DNAH6: variants seen among roughly 807,000 people sequenced by gnomAD.
DNAH6 encodes the protein dynein axonemal heavy chain 6, also known as axonemal beta dynein heavy chain 6.
In DNAH6, 340 loss-of-function variants were observed where a neutral mutation model predicts 491.4. The ratio of observed to expected loss-of-function variants is 0.69; its 90% CI spans 0.63 to 0.76. The LOEUF (loss-of-function observed/expected upper bound fraction) is 0.76, where lower values mean the gene tolerates loss of function less well. DNAH6 is among the 30% of genes least tolerant of loss of function. The probability of loss-of-function intolerance (pLI) is 0.00; values close to 1 mark genes in which losing one functional copy is unlikely to be tolerated. For missense variants in DNAH6, 4,443 were observed against 4,972.2 expected, an observed-to-expected ratio of 0.89 and a Z score of 3.20; for synonymous variants, 1,603 against 1,686.1, an observed-to-expected ratio of 0.95 and a Z score of 1.21.
intron 62 of DNAH6, among the ~76,000 whole-genome samples, chr2:84,736,030 A>T (rs528377979): frequency 1.3e-5 from 2 of 152,150 alleles, no homozygotes; most frequent in East Asian, 3.9e-4. Flanking sequence ...GTTAATTTTT[A>T]TATATGGTAA....
intron 2 of DNAH6, among the ~76,000 whole-genome samples, chr2:84,522,690 A>G (rs1676263934): frequency 6.6e-6 from 1 of 152,056 alleles, no homozygotes; most frequent in South Asian, 2.1e-4. Context: ...ATTGTATTCT[A>G]TCAAAAGCTT....
intron 70 of DNAH6, among the ~76,000 whole-genome samples, chr2:84,804,802 T>A (rs1237319107): frequency 6.6e-6 from 1 of 152,108 alleles, no homozygotes; most frequent in Non-Finnish European, 1.5e-5. Context: ...ATTAAGTACA[T>A]TTATTTATTT....
In DNAH6 at chr2:84,591,787, A is replaced by G. The variant is rs147213038; in HGVS notation, c.2611-2185A>G. On this transcript the variant is annotated intron_variant, in intron 16 of 76. Coordinates refer to ENST00000389394, the MANE Select transcript of DNAH6 (RefSeq NM_001370.2). ...ATATAGACCAATGAAACAGAATGGA[A>G]AACCGCAAAACAACAAATATGGTCA... is the stretch of plus-strand genomic sequence containing the variant. Among the ~76,000 whole-genome samples, 1,518 of 152,320 alleles carry G rather than the reference A, an allele frequency of 1.0e-2. 9 individuals are homozygous for G. Among genetic ancestry groups the G allele is most frequent in the Non-Finnish European group, 0.016 (1,060 of 68,024 alleles).
At chr2:84,624,242 A>C in intron 26 of DNAH6, 23 bp from the exon 27 acceptor site, 1 of 1,525,664 alleles carries the variant, frequency 6.6e-7, no homozygotes, top group Admixed American at 2.2e-5. Flanking sequence ...AAAATTCACC[A>C]TGACAATTTT....
At chr2:84,550,488 C>A (rs1048854521) in intron 9 of DNAH6, among the ~76,000 whole-genome samples, 7 of 152,138 alleles carry the variant, frequency 4.6e-5, no homozygotes, top group Non-Finnish European at 1.0e-4. Context: ...GGACTGGGGA[C>A]CCCTGGCATA....
At chr2:84,604,146 T>C (rs1271358470) in intron 18 of DNAH6, among the ~76,000 whole-genome samples, 193 bp from the exon 19 acceptor site, 1 of 152,208 alleles carries the variant, frequency 6.6e-6, no homozygotes. Flanking sequence ...GAGTTTGTTC[T>C]GCCCCCGCAA....
At chr2:84,635,019 G>C (rs1688737722) in intron 30 of DNAH6, among the ~76,000 whole-genome samples, 1 of 152,098 alleles carries the variant, frequency 6.6e-6, no homozygotes, top group Non-Finnish European at 1.5e-5. Flanking sequence ...AAACAGCACT[G>C]CTCCAAGCCC....
the DNAH6 span, among the ~76,000 whole-genome samples, chr2:84,482,271 T>C: frequency 6.6e-6 from 1 of 152,190 alleles, no homozygotes; most frequent in African/African-American, 2.4e-5. Flanking sequence ...AAAAAAAGTA[T>C]ATTGCACACT....
Position 84,697,624 on chromosome 2 carries a change from G to A in DNAH6, c.7574G>A (p.Gly2525Asp), listed in dbSNP as rs760377029. The change falls in exon 47 of 77, where the codon GGT becomes GAT. Residue 2525 changes from glycine (G) to aspartate (D), a missense_variant. Gly to Asp is a moderately conservative substitution (Grantham distance 94). Coordinates refer to ENST00000389394, the MANE Select transcript of DNAH6 (RefSeq NM_001370.2). ...LEDINNILNS[G>D]EVPNLFEKDE... ...GATATAAATAACATCCTGAACTCAG[G>A]TGAAGTGCCTAATTTATTTGAAAAG... The A allele has an allele frequency of 2.8e-5, 43 of 1,551,870 alleles. No individual in the cohort carries two copies. The South Asian group carries it at 5.0e-4, about 18-fold the overall frequency.
intron 33 of DNAH6, among the ~76,000 whole-genome samples, chr2:84,644,046 T>G (rs184845361): frequency 1.5e-3 from 223 of 152,256 alleles, no homozygotes; most frequent in African/African-American, 5.2e-3. Context: ...AGTGGTAAGG[T>G]GCAGCAGGAG....
intron 21 of DNAH6, among the ~76,000 whole-genome samples, chr2:84,610,240 C>A (rs958628069): frequency 6.6e-6 from 1 of 152,176 alleles, no homozygotes; most frequent in East Asian, 1.9e-4. Context: ...GCTTCCCCAA[C>A]ATGACCATTG....
In DNAH6 at chr2:84,805,561, G is replaced by A. The variant is rs542346183; in HGVS notation, c.11482-104G>A. 3.2e-5 allele frequency: 32 copies of A among 1,007,370 alleles called. No individual in the cohort carries two copies. The Admixed American group carries it at 7.4e-4, about 23-fold the overall frequency. 62.4% of individuals were successfully genotyped at this position (1,007,370 alleles called of 1,614,324 possible). On this transcript the variant is annotated intron_variant, in intron 70 of 76. Coordinates refer to ENST00000389394, the MANE Select transcript of DNAH6 (RefSeq NM_001370.2). ...AAAATAAAGTGAAAATAAATAATATGGTTTTAGAGAACTGCCTTTACTTTT... is the reference window on the plus strand; with the variant it reads ...AAAATAAAGTGAAAATAAATAATATAGTTTTAGAGAACTGCCTTTACTTTT...
chr2:84,781,268 T>A (rs1363739538), intron 64 of DNAH6, among the ~76,000 whole-genome samples: 4 of 152,200 alleles, frequency 2.6e-5, no homozygotes, highest in Non-Finnish European at 5.9e-5. Flanking sequence ...TGATTTGTGA[T>A]CATTTGTAGA....
intron 58 of DNAH6, 36 bp downstream of exon 58, chr2:84,715,663 T>A (rs891111183): frequency 2.8e-6 from 4 of 1,439,658 alleles, no homozygotes; most frequent in Non-Finnish European, 2.9e-6. Context: ...GGGAAGGGGG[T>A]ATTGTGGGTT....
At chr2:84,507,867 A>T in the DNAH6 span, among the ~76,000 whole-genome samples, 1 of 152,182 alleles carries the variant, frequency 6.6e-6, no homozygotes, top group South Asian at 2.1e-4. Flanking sequence ...GCTGGATTAC[A>T]TTTATTGATT....
chr2:84,701,733 G>A (rs1695919778), intron 49 of DNAH6, among the ~76,000 whole-genome samples: 1 of 152,096 alleles, frequency 6.6e-6, no homozygotes, highest in Non-Finnish European at 1.5e-5. Flanking sequence ...CCAAAGGGAG[G>A]ATGGTGGTAA....
intron 71 of DNAH6, among the ~76,000 whole-genome samples, chr2:84,807,287 G>A (rs968021723): frequency 6.6e-6 from 1 of 152,196 alleles, no homozygotes; most frequent in African/African-American, 2.4e-5. Flanking sequence ...GTGTGGTCAA[G>A]AAGGAATTTG....
intron 26 of DNAH6, among the ~76,000 whole-genome samples, chr2:84,622,447 G>T (rs1001601028): frequency 7.9e-5 from 12 of 152,094 alleles, no homozygotes; most frequent in Middle Eastern, 3.4e-3. Flanking sequence ...TAGAGACAGG[G>T]TCTCACTGTA....
At chr2:84,675,092 C>A (rs1024507321) in intron 40 of DNAH6, among the ~76,000 whole-genome samples, 55 of 152,196 alleles carry the variant, frequency 3.6e-4, no homozygotes, top group African/African-American at 1.3e-3. Flanking sequence ...CTCCAAATAG[C>A]CTTGCTCACA....
Sources: allele counts gnomAD v4.1 joint callset (sites outside exome capture counted in the v4.1 genomes callset), GRCh38; gene constraint gnomAD v4.1.1; transcripts MANE v1.5; gene names NCBI Gene and HGNC (gene_info 2026-07-23, HGNC 2026-07-21).